The following ATP2A3 variants were observed in gnomAD, a reference collection of about 807,000 sequenced individuals.
The protein encoded by ATP2A3 is ATPase sarcoplasmic/endoplasmic reticulum Ca2+ transporting 3.
A neutral mutation model predicts 106.8 loss-of-function variants in ATP2A3; 61 were observed. The observed-to-expected ratio is 0.57, with a 90% CI of 0.46 to 0.71. The LOEUF (loss-of-function observed/expected upper bound fraction) is 0.71, where lower values mean the gene tolerates loss of function less well. ATP2A3 is among the 30% of genes least tolerant of loss of function. The pLI, the probability that ATP2A3 is intolerant of heterozygous loss-of-function variation, is 0.00. For missense variants in ATP2A3, 1,201 were observed against 1,423.5 expected (o/e 0.84, Z 2.52); for synonymous variants, 611 against 609.3 (o/e 1.00, Z -0.04).
At chr17:3,954,457 T>C (rs1044054453) in intron 1 of ATP2A3, among the ~76,000 whole-genome samples, 4 of 141,834 alleles carry the variant, frequency 2.8e-5, no homozygotes, top group Admixed American at 7.1e-5. Flanking sequence ...AAGAACACTG[T>C]TTCCAAACTC....
At chr17:3,952,773 G>A (rs1426932634) in intron 3 of ATP2A3, among the ~76,000 whole-genome samples, 1 of 152,088 alleles carries the variant, frequency 6.6e-6, no homozygotes, top group Non-Finnish European at 1.5e-5. Context: ...TGTATTTTTT[G>A]TAGAGACAGG....
intron 1 of ATP2A3, among the ~76,000 whole-genome samples, chr17:3,958,775 C>CATATATAT (rs2054942328): frequency 1.5e-5 from 2 of 132,332 alleles, no homozygotes; most frequent in Admixed American, 7.7e-5. Context: ...CATATATATA[C>CATATATAT]ACACACATAT....
At position 3,928,240 on chromosome 17, in the gene ATP2A3, C is replaced by T; in HGVS notation, c.2980+423G>A. ...ACAAGGTGATACCAAAGAGGCCAACCCGGTGTGGTCTGGGGTCCAAGAGGT... is the reference window on the plus strand; with the variant it reads ...ACAAGGTGATACCAAAGAGGCCAACTCGGTGTGGTCTGGGGTCCAAGAGGT... On this transcript the variant is annotated intron_variant, in intron 20 of 20. Transcript: ENST00000397041. This position sits in a 1 kb window ranked among gnomAD's most constrained non-coding sequence, Gnocchi z 6.1. 1.9e-6 allele frequency: 3 copies of T among 1,613,630 alleles called. No individual in the cohort carries two copies. Among genetic ancestry groups the T allele is most frequent in the Non-Finnish European group, 1.7e-6 (2 of 1,180,026 alleles).
rs1297098080 is a variant in ATP2A3, at chr17:3,950,520, C to G, written c.621G>C (p.Met207Ile). 6.2e-7 allele frequency: 1 copy of G among 1,614,098 alleles called. No homozygotes were observed. The highest frequency in any genetic ancestry group is 1.7e-5 in the Admixed American group (1 of 60,030). Residue 207 changes from methionine (M) to isoleucine (I), a missense_variant, in exon 7 of 21, where the codon ATG becomes ATC. By Grantham distance (10) the Met-to-Ile change is conservative (BLOSUM62 1). Coordinates refer to ENST00000397041, the MANE Select transcript of ATP2A3 (RefSeq NM_005173.4). Reference sequence around the variant, plus strand: ...CAGACATTTGACTTACAGAAAACAGCATGTTCTTCTTGTCCTGGTTCACAG... The same window carrying G: ...CAGACATTTGACTTACAGAAAACAGGATGTTCTTCTTGTCCTGGTTCACAG... ...PRAVNQDKKN[M>I]LFSGTNITSG...
rs373653499 is a variant in ATP2A3, at chr17:3,937,551, G to A, written c.2186C>T (p.Ser729Leu). 4 of 1,613,986 alleles carry A rather than the reference G, an allele frequency of 2.5e-6. No homozygotes were observed. The highest frequency in any genetic ancestry group is 2.7e-5 in the African/African-American group (2 of 74,924). Reference protein sequence around the residue: ...AMGSGTAVAKSAAEMVLSDDN... With the variant: ...AMGSGTAVAKLAAEMVLSDDN... The stretch of plus-strand genomic sequence containing the variant: ...ATCTGACAGCACCATCTCTGCCGCC[G>A]ACTTGGCCACGGCCGTGCCTGAGCC... Residue 729 changes from serine (S) to leucine (L), a missense_variant, in exon 15 of 21, where the codon TCG becomes TTG. By Grantham distance (145) the Ser-to-Leu change is moderately radical (BLOSUM62 -2). Around this residue, in one of 2 missense-constraint regions of ATP2A3, gnomAD observed 935 missense variants for 1,176.7 expected, o/e 0.79. Transcript: ENST00000397041.
intron 7 of ATP2A3, among the ~76,000 whole-genome samples, chr17:3,948,710 T>A (rs1033236951): frequency 6.6e-6 from 1 of 152,170 alleles, no homozygotes; most frequent in Non-Finnish European, 1.5e-5. Flanking sequence ...TGAGCTACCA[T>A]GCCCGGCCCC....
Position 3,925,276 on chromosome 17 carries a change from C to T in ATP2A3, c.*146G>A, listed in dbSNP as rs1482785608. ...ACCCCAGGACGGGGCCCGGGGATGG[C>T]CATTCTGACCTCGGGCCTGTCATTT... On this transcript the variant is annotated 3_prime_UTR_variant, in exon 21 of 21. Transcript: ENST00000397041. The surrounding 1 kb of genome is among the most constrained non-coding windows in gnomAD (Gnocchi z 4.2). The T allele has an allele frequency of 1.4e-6, 2 of 1,391,690 alleles. No individual in the cohort carries two copies. The highest frequency in any genetic ancestry group is 2.0e-6 in the Non-Finnish European group (2 of 1,000,566). 86.2% of individuals were successfully genotyped at this position (1,391,690 alleles called of 1,614,324 possible).
chr17:3,955,374 G>A lies in ATP2A3; in HGVS notation c.119-1664C>T, dbSNP rs1410871556. On this transcript the variant is annotated intron_variant, in intron 1 of 20. Transcript: ENST00000397041. This position sits in a 1 kb window ranked among gnomAD's most constrained non-coding sequence, Gnocchi z 4.2. The stretch of plus-strand genomic sequence containing the variant: ...GGAGTATCAAGCAGCCCACTGGACT[G>A]TAGGAATCCAGGAGGGAAATATATA... Among the ~76,000 whole-genome samples, 4 of 152,204 alleles carry A rather than the reference G, an allele frequency of 2.6e-5. No homozygotes were observed. Among genetic ancestry groups the A allele is most frequent in the Admixed American group, 2.0e-4 (3 of 15,282 alleles).
chr17:3,944,988 C>G, intron 9 of ATP2A3, 72 bp downstream of exon 9: 1 of 1,338,100 alleles, frequency 7.5e-7, no homozygotes, highest in African/African-American at 1.6e-5. Context: ...CCTCCCACGG[C>G]CACCTCGGCG....
rs1425673493 is a variant in ATP2A3, at chr17:3,924,450, C to T, written c.*972G>A. The T allele has an allele frequency of 1.2e-5, 3 of 256,310 alleles. No individual in the cohort carries two copies. The highest frequency in any genetic ancestry group is 4.9e-5 in the Admixed American group (1 of 20,380). 15.9% of individuals were successfully genotyped at this position (256,310 alleles called of 1,614,324 possible). On this transcript the variant is annotated 3_prime_UTR_variant, in exon 21 of 21. Coordinates refer to ENST00000397041, the MANE Select transcript of ATP2A3 (RefSeq NM_005173.4). This position sits in a 1 kb window ranked among gnomAD's most constrained non-coding sequence, Gnocchi z 6.4. ...CGTGGGGAGGGGGCAAGGAGTGAGG[C>T]CAAGAGTCCAGGAAGCCCACCAGGC...
In ATP2A3 at chr17:3,941,022, G is replaced by A. The variant is rs1465004211; in HGVS notation, c.2049C>T (p.His683=). The A allele has an allele frequency of 3.7e-6, 6 of 1,613,866 alleles. No homozygotes were observed. In the Admixed American group the frequency reaches 1.0e-4, roughly 27 times the overall value. ...GCAGGTTCTCCACGATGCGGGACTT[G>A]TGTGCGGGCTCCACGCGGGCGAAGC... ...ARCFARVEPA[H]KSRIVENLQS... Residue 683 remains histidine (H), a synonymous_variant, in exon 14 of 21, where the codon CAC becomes CAT. Transcript: ENST00000397041.
chr17:3,940,043 G>GTTTTTTTTT (rs1294599615), intron 14 of ATP2A3, among the ~76,000 whole-genome samples: 6 of 87,618 alleles, frequency 6.8e-5, no homozygotes, highest in East Asian at 3.1e-4. Context: ...TTTTTTTTTT[G>GTTTTTTTTT]TTTTTTGTTT....
At position 3,953,312 on chromosome 17, in the gene ATP2A3, G is replaced by T; in HGVS notation, c.219+35C>A. 6.2e-7 allele frequency: 1 copy of T among 1,607,538 alleles called. No individual in the cohort carries two copies. The highest frequency in any genetic ancestry group is 1.1e-5 in the South Asian group (1 of 90,874). ...GCCTGGCTCTCCCTCCAGGGCTACCGACTACCACAGGATGGCTGGCAGGGC... is the reference window on the plus strand; with the variant it reads ...GCCTGGCTCTCCCTCCAGGGCTACCTACTACCACAGGATGGCTGGCAGGGC... On this transcript the variant is annotated intron_variant, in intron 3 of 20. Coordinates refer to ENST00000397041, the MANE Select transcript of ATP2A3 (RefSeq NM_005173.4). This position sits in a 1 kb window ranked among gnomAD's most constrained non-coding sequence, Gnocchi z 5.1.
chr17:3,932,924 G>C (rs1418556432), intron 17 of ATP2A3, among the ~76,000 whole-genome samples: 1 of 151,712 alleles, frequency 6.6e-6, no homozygotes, highest in African/African-American at 2.4e-5. Flanking sequence ...CCTCCCACTC[G>C]GGCATGTGAA....
chr17:3,941,057 T>G lies in ATP2A3; in HGVS notation c.2014A>C (p.Thr672Pro), dbSNP rs536946307. ...TCCACGCGGGCGAAGCAGCGGGCGG[T>G]GCGGCAGGCCTGGCGCTGCTGCTCG... ...SPEQQRQACRTARCFARVEPA... is the reference protein window; with the variant it reads ...SPEQQRQACRPARCFARVEPA... The change falls in exon 14 of 21, where the codon ACC (threonine) becomes CCC (proline). Residue 672 changes from threonine (T) to proline (P), a missense_variant. This residue lies in a region of ATP2A3 where 935 missense variants were observed against 1,176.7 expected (regional missense o/e 0.79). Coordinates refer to ENST00000397041, the MANE Select transcript of ATP2A3 (RefSeq NM_005173.4). The G allele has an allele frequency of 1.9e-6, 3 of 1,613,450 alleles. No individual in the cohort carries two copies. The highest frequency in any genetic ancestry group is 2.5e-6 in the Non-Finnish European group (3 of 1,179,694).
intron 3 of ATP2A3, 43 bp from the exon 4 acceptor site, chr17:3,951,728 G>A (rs556902581): frequency 2.0e-5 from 31 of 1,550,008 alleles, no homozygotes; most frequent in East Asian, 7.0e-5. Context: ...GCTGCGGGCC[G>A]AGATCTGCTC....
In ATP2A3 at chr17:3,957,706, C is replaced by G. The variant is rs545071650; in HGVS notation, c.119-3996G>C. Among the ~76,000 whole-genome samples, 31 of 152,376 alleles carry G rather than the reference C, an allele frequency of 2.0e-4. No homozygotes were observed. The South Asian group carries it at 2.9e-3, about 14-fold the overall frequency. ...CCCCAGGCATTCCTGGAAGATGCTGCCTCCTTCCTTGCTCTCTCCCAGGCT... is the reference window on the plus strand; with the variant it reads ...CCCCAGGCATTCCTGGAAGATGCTGGCTCCTTCCTTGCTCTCTCCCAGGCT... On this transcript the variant is annotated intron_variant, in intron 1 of 20. Coordinates refer to ENST00000397041, the MANE Select transcript of ATP2A3 (RefSeq NM_005173.4).
At position 3,930,321 on chromosome 17, in the gene ATP2A3, T is replaced by C. The variant is rs777570900; in HGVS notation, c.2724A>G (p.Glu908=). 49 of 1,603,704 alleles carry C rather than the reference T, an allele frequency of 3.1e-5. No individual in the cohort carries two copies. Among genetic ancestry groups the C allele is most frequent in the Non-Finnish European group, 3.8e-5 (45 of 1,175,072 alleles). Residue 908 remains glutamate (E), a synonymous_variant, in exon 18 of 21, where the codon GAA becomes GAG. Transcript: ENST00000397041. The surrounding 1 kb of genome is among the most constrained non-coding windows in gnomAD (Gnocchi z 5.4). ...CCTACCTGTTGAGGGCATTGCACAT[T>C]TCAATGGTCACGAGCACGGACAAGG... ...TMALSVLVTI[E]MCNALNSVSE... is the part of the protein sequence containing the mutation.
chr17:3,952,713 CAG>C (rs1185291396), intron 3 of ATP2A3, among the ~76,000 whole-genome samples: 1 of 152,238 alleles, frequency 6.6e-6, no homozygotes, highest in Middle Eastern at 3.2e-3. Flanking sequence ...CCTCAGCCTC[CAG>C]AGTGGCTGGG....
Sources: allele counts gnomAD v4.1 joint callset (sites outside exome capture counted in the v4.1 genomes callset), GRCh38; gene constraint gnomAD v4.1.1; regional missense constraint gnomAD v4.1.1; non-coding constraint Gnocchi (gnomAD v3.1); transcripts MANE v1.5; gene names NCBI Gene and HGNC (gene_info 2026-07-23, HGNC 2026-07-21).